LTBP2: variants seen among roughly 807,000 people sequenced by gnomAD.
LTBP2 encodes latent-transforming growth factor beta-binding protein 2.
In LTBP2, 103 loss-of-function variants were observed where a neutral mutation model predicts 210.6. The ratio of observed to expected loss-of-function variants is 0.49; its 90% CI spans 0.42 to 0.58. The LOEUF (loss-of-function observed/expected upper bound fraction) is 0.58, where lower values mean the gene tolerates loss of function less well. Ranked by LOEUF, LTBP2 falls within the 20% of genes least tolerant of loss-of-function variation. LTBP2 has a pLI of 0.00. For missense variants in LTBP2, 2,313 were observed against 2,494.5 expected (o/e 0.93, Z 1.55); for synonymous variants, 1,007 against 1,015.0 (o/e 0.99, Z 0.15).
In LTBP2 at chr14:74,589,989, A is replaced by C. The variant is rs576328844; in HGVS notation, c.566-3871T>G. Among the ~76,000 whole-genome samples, 564 of 152,330 alleles carry C rather than the reference A, an allele frequency of 3.7e-3. 5 individuals are homozygous for C. Among genetic ancestry groups the C allele is most frequent in the Admixed American group, 8.0e-3 (123 of 15,290 alleles). ...CCTTCCCCTCCTGAGCCCTGAGAAC[A>C]GCCCATCCTTCACATTAACAATAAG... On this transcript the variant is annotated intron_variant, in intron 2 of 35. Coordinates refer to ENST00000261978, the MANE Select transcript of LTBP2 (RefSeq NM_000428.3).
At chr14:74,530,497 A>G (rs1177169899) in intron 10 of LTBP2, among the ~76,000 whole-genome samples, 1 of 152,192 alleles carries the variant, frequency 6.6e-6, no homozygotes, top group African/African-American at 2.4e-5. Flanking sequence ...CCACGTCTGC[A>G]CTTCCTAGTT....
intron 12 of LTBP2, among the ~76,000 whole-genome samples, chr14:74,527,581 C>T (rs2087290591): frequency 6.6e-6 from 1 of 152,232 alleles, no homozygotes; most frequent in South Asian, 2.1e-4. Flanking sequence ...GTCTGGAGGG[C>T]CTGAAGATAG....
chr14:74,552,123 G>A (rs993103385), intron 6 of LTBP2, 64 bp downstream of exon 6: 17 of 1,476,776 alleles, frequency 1.2e-5, no homozygotes, highest in Admixed American at 5.9e-5. Flanking sequence ...CAGCCATGGT[G>A]ACAGCCTCCA....
chr14:74,514,815 G>A (rs1317513976), intron 18 of LTBP2, among the ~76,000 whole-genome samples: 1 of 152,174 alleles, frequency 6.6e-6, no homozygotes, highest in Non-Finnish European at 1.5e-5. Context: ...AGAGGGAGAG[G>A]AAATTGACTG....
chr14:74,511,681 C>T (rs926304025), intron 18 of LTBP2, among the ~76,000 whole-genome samples: 1 of 152,168 alleles, frequency 6.6e-6, no homozygotes, highest in Non-Finnish European at 1.5e-5. Flanking sequence ...GGGCTTTCAT[C>T]TCTCCCCTGG....
chr14:74,529,613 T>C (rs2087325172), intron 10 of LTBP2, among the ~76,000 whole-genome samples: 1 of 152,120 alleles, frequency 6.6e-6, no homozygotes, highest in Admixed American at 6.5e-5. Flanking sequence ...GCCTGGTGCA[T>C]GCAAATGCTT....
At position 74,503,588 on chromosome 14, in the gene LTBP2, T is replaced by A. The variant is rs1267788416; in HGVS notation, c.4601A>T (p.Asp1534Val). Residue 1534 changes from aspartate (D) to valine (V), a missense_variant, in exon 32 of 36, where the codon GAC becomes GTC. By Grantham distance (152) the Asp-to-Val change is radical. Coordinates refer to ENST00000261978, the MANE Select transcript of LTBP2 (RefSeq NM_000428.3). ...KKCEDHDECQ[D>V]LACENGECVN... ...GCACTCGCCATTCTCACAGGCCAGGTCCTGGCACTCATCGTGATCTGGGGA... is the reference window on the plus strand; with the variant it reads ...GCACTCGCCATTCTCACAGGCCAGGACCTGGCACTCATCGTGATCTGGGGA... The A allele has an allele frequency of 1.2e-6, 2 of 1,613,770 alleles. No individual in the cohort carries two copies. The highest frequency in any genetic ancestry group is 1.1e-5 in the South Asian group (1 of 91,078).
chr14:74,573,255 C>T (rs2088009331), intron 3 of LTBP2, among the ~76,000 whole-genome samples: 1 of 152,224 alleles, frequency 6.6e-6, no homozygotes, highest in African/African-American at 2.4e-5. Flanking sequence ...CCCTTACCCT[C>T]AGTGTCCTCA....
chr14:74,541,402 C>T (rs2087506131), intron 8 of LTBP2, among the ~76,000 whole-genome samples: 1 of 152,146 alleles, frequency 6.6e-6, no homozygotes, highest in East Asian at 1.9e-4. Flanking sequence ...AAAGGCTTTA[C>T]ACGAATTAAC....
rs1226813341 is a variant in LTBP2, at chr14:74,611,606, C to A, written c.339G>T (p.Arg113=). Residue 113 remains arginine (R), a synonymous_variant, in exon 1 of 36, where the codon CGG becomes CGT. Transcript: ENST00000261978. ...GGGTCTGCGCAGGTGGCTGGACACG[C>A]CGCGACTGCTGCGCGCGGGACGGCC... ...ARRPSRAQQS[R]RVQPPAQTRR... 1.3e-6 allele frequency: 2 copies of A among 1,566,988 alleles called. No homozygotes were observed. Among genetic ancestry groups the A allele is most frequent in the East Asian group, 2.3e-5 (1 of 42,950 alleles).
Position 74,594,193 on chromosome 14 carries a change from G to A in LTBP2, c.566-8075C>T, listed in dbSNP as rs181044395. Among the ~76,000 whole-genome samples, 1,252 of 152,176 alleles carry A rather than the reference G, an allele frequency of 8.2e-3. 8 individuals are homozygous for A. The highest frequency in any genetic ancestry group is 0.014 in the Middle Eastern group (4 of 294). ...GACTGCTTTCTAGGTGTCAAATATA[G>A]CCAGGCCCCTCCCCACTGCCACCCT... is the stretch of plus-strand genomic sequence containing the variant. On this transcript the variant is annotated intron_variant, in intron 2 of 35. Transcript: ENST00000261978.
Position 74,529,069 on chromosome 14 carries a change from C to G in LTBP2, c.2041G>C (p.Gly681Arg). Reference sequence around the variant, plus strand: ...TGGGCCAAAGGCAGGGTGCAGGTGCCGGGCCCCAGCGACCGGTAGCACAGT... The same window carrying G: ...TGGGCCAAAGGCAGGGTGCAGGTGCGGGGCCCCAGCGACCGGTAGCACAGT... ...QGLCYRSLGPGTCTLPLAQRI... is the reference protein window; with the variant it reads ...QGLCYRSLGPRTCTLPLAQRI... The change falls in exon 11 of 36, where the codon GGC becomes CGC. Residue 681 changes from glycine (G) to arginine (R), a missense_variant. By Grantham distance (125) the Gly-to-Arg change is moderately radical (BLOSUM62 -2). This residue lies in a region of LTBP2 where 1,867 missense variants were observed against 1,976.9 expected (regional missense o/e 0.94). Transcript: ENST00000261978. The G allele has an allele frequency of 6.4e-7, 1 of 1,558,898 alleles. No individual in the cohort carries two copies.
intron 18 of LTBP2, among the ~76,000 whole-genome samples, chr14:74,512,209 G>C (rs1373082250): frequency 6.6e-6 from 1 of 152,200 alleles, no homozygotes; most frequent in Admixed American, 6.5e-5. Flanking sequence ...CCTGTCACAG[G>C]GACTGAACTC....
chr14:74,526,367 C>T (rs2087274539), intron 13 of LTBP2, among the ~76,000 whole-genome samples: 1 of 152,238 alleles, frequency 6.6e-6, no homozygotes, highest in Admixed American at 6.5e-5. Context: ...GATATACATA[C>T]TATGCCAGCT....
intron 8 of LTBP2, among the ~76,000 whole-genome samples, chr14:74,539,140 T>G (rs2087460181): frequency 6.6e-6 from 1 of 152,240 alleles, no homozygotes; most frequent in South Asian, 2.1e-4. Flanking sequence ...TGGGTACACA[T>G]GGTCATGTCT....
chr14:74,560,450 G>A (rs771545983), intron 3 of LTBP2, among the ~76,000 whole-genome samples: 15 of 152,140 alleles, frequency 9.9e-5, no homozygotes, highest in Admixed American at 2.0e-4. Flanking sequence ...GGGTCTTCAG[G>A]CCCACAAGAA....
intron 29 of LTBP2, 51 bp from the exon 30 acceptor site, chr14:74,504,912 C>T: frequency 6.2e-7 from 1 of 1,613,366 alleles, no homozygotes; most frequent in East Asian, 2.2e-5. Context: ...TGCCCCCTTC[C>T]TCTCTCCCCT....
rs766206322 is a variant in LTBP2 at position 74,549,982 on chromosome 14, T to C, written c.1687-17A>G. Reference sequence around the variant, plus strand: ...GTTGGCACACTGGAAGGAGAGGCCATGGACACCTGTGACCACCCCCCTTCC... The same window carrying C: ...GTTGGCACACTGGAAGGAGAGGCCACGGACACCTGTGACCACCCCCCTTCC... On this transcript the variant is annotated splice_polypyrimidine_tract_variant and intron_variant, in intron 7 of 35. Coordinates refer to ENST00000261978, the MANE Select transcript of LTBP2 (RefSeq NM_000428.3). The C allele has an allele frequency of 4.6e-6, 7 of 1,528,928 alleles. No individual in the cohort carries two copies. The highest frequency in any genetic ancestry group is 5.4e-6 in the Non-Finnish European group (6 of 1,102,408). 94.7% of individuals were successfully genotyped at this position (1,528,928 alleles called of 1,614,324 possible).
chr14:74,513,786 C>G lies in LTBP2; in HGVS notation c.2909-2422G>C, dbSNP rs2087101934. On this transcript the variant is annotated intron_variant, in intron 18 of 35. Transcript: ENST00000261978. ...CACCACTGCACTCCAGCCTGGGTGACAGAGCGAGACTCTGTCTCAAACAAA... is the reference window on the plus strand; with the variant it reads ...CACCACTGCACTCCAGCCTGGGTGAGAGAGCGAGACTCTGTCTCAAACAAA... Among the ~76,000 whole-genome samples, 5 of 143,572 alleles carry G rather than the reference C, an allele frequency of 3.5e-5. No homozygotes were observed. The South Asian group carries it at 1.2e-3, about 33-fold the overall frequency. The allele number at this position is 143,572 out of a possible 152,430, so 94.2% of individuals were successfully genotyped here. A position where few individuals can be genotyped will look rare whatever the true frequency, so the allele number is the denominator to read the frequency against.
Sources: allele counts gnomAD v4.1 joint callset (sites outside exome capture counted in the v4.1 genomes callset), GRCh38; gene constraint gnomAD v4.1.1; regional missense constraint gnomAD v4.1.1; transcripts MANE v1.5; gene names NCBI Gene and HGNC (gene_info 2026-07-23, HGNC 2026-07-21).